MAP3K13: variants seen among roughly 807,000 people sequenced by gnomAD.
MAP3K13 encodes the protein leucine zipper-bearing kinase.
A neutral mutation model predicts 104.0 loss-of-function variants in MAP3K13; 52 were observed. That is an observed-to-expected ratio of 0.50 (90% confidence interval 0.40 to 0.63). The LOEUF is 0.63. Ranked by LOEUF, MAP3K13 falls within the 20% of genes least tolerant of loss-of-function variation. The pLI, the probability that MAP3K13 is intolerant of heterozygous loss-of-function variation, is 0.00. For synonymous variants in MAP3K13, 394 were observed against 442.2 expected (o/e 0.89, Z 1.37); for missense variants, 914 against 1,218.5 (o/e 0.75, Z 3.72).
chr3:185,424,363 C>T (rs548202388), intron 1 of MAP3K13, among the ~76,000 whole-genome samples: 1 of 152,208 alleles, frequency 6.6e-6, no homozygotes, highest in East Asian at 1.9e-4. Context: ...AATGTTCCAT[C>T]GTGTTGTAAA....
intron 2 of MAP3K13, among the ~76,000 whole-genome samples, chr3:185,322,618 G>C (rs1721906137): frequency 6.6e-6 from 1 of 152,112 alleles, no homozygotes; most frequent in Admixed American, 6.5e-5. Context: ...CTCTCATACT[G>C]TGTATCCAGA....
intron 8 of MAP3K13, 47 bp downstream of exon 8, chr3:185,463,706 A>G (rs760580856): frequency 3.6e-5 from 38 of 1,063,276 alleles, no homozygotes; most frequent in Non-Finnish European, 4.4e-6. Flanking sequence ...CCAGGTCTTC[A>G]GATGTTAACA....
intron 2 of MAP3K13, among the ~76,000 whole-genome samples, chr3:185,333,272 T>C (rs2108709954): frequency 6.6e-6 from 1 of 152,182 alleles, no homozygotes; most frequent in East Asian, 1.9e-4. Context: ...TTGGACAAGT[T>C]ACTGAACCTT....
chr3:185,461,701 T>C (rs967279332), intron 7 of MAP3K13, among the ~76,000 whole-genome samples: 1 of 152,126 alleles, frequency 6.6e-6, no homozygotes, highest in Non-Finnish European at 1.5e-5. Context: ...TAGCTGGCAT[T>C]GCAGGGGCAG....
intron 2 of MAP3K13, among the ~76,000 whole-genome samples, chr3:185,291,413 ACATATTCAGC>A (rs1396957472): frequency 6.6e-6 from 1 of 152,198 alleles, no homozygotes; most frequent in Non-Finnish European, 1.5e-5. Flanking sequence ...AAGCCAATGA[ACATATTCAGC>A]CATTTTGTCT....
chr3:185,462,218 C>G (rs1054359794), intron 7 of MAP3K13, among the ~76,000 whole-genome samples: 5 of 152,128 alleles, frequency 3.3e-5, no homozygotes, highest in African/African-American at 9.7e-5. Flanking sequence ...CTCTCTGTGG[C>G]CTATTGCCTG....
intron 1 of MAP3K13, among the ~76,000 whole-genome samples, chr3:185,283,286 G>A (rs1461563682): frequency 6.6e-6 from 1 of 152,102 alleles, no homozygotes; most frequent in African/African-American, 2.4e-5. Context: ...ACATGGCTGG[G>A]GGTCATGGGT....
chr3:185,416,196 A>C (rs1020294599), intron 1 of MAP3K13, among the ~76,000 whole-genome samples: 1 of 151,948 alleles, frequency 6.6e-6, no homozygotes, highest in Non-Finnish European at 1.5e-5. Context: ...ATATATATCA[A>C]CCCGTTCCCC....
intron 7 of MAP3K13, among the ~76,000 whole-genome samples, chr3:185,454,584 T>TAATATATA (rs1205001275): frequency 9.0e-6 from 1 of 111,052 alleles, no homozygotes; most frequent in Non-Finnish European, 1.7e-5. Flanking sequence ...GATATATATA[T>TAATATATA]GATATATAGA....
chr3:185,304,903 A>T (rs1721238541), intron 2 of MAP3K13, among the ~76,000 whole-genome samples: 1 of 147,856 alleles, frequency 6.8e-6, no homozygotes, highest in Non-Finnish European at 1.5e-5. Context: ...AAGTGCTGGG[A>T]TTACAGGCGT....
intron 1 of MAP3K13, among the ~76,000 whole-genome samples, chr3:185,365,224 A>C (rs1162711802): frequency 6.6e-6 from 1 of 152,214 alleles, no homozygotes; most frequent in Admixed American, 6.5e-5. Flanking sequence ...ATCTTCATGT[A>C]TAGTGTACTT....
In MAP3K13 at chr3:185,488,750, T is replaced by A. The variant is rs901648785; in HGVS notation, c.*6294T>A. 5 of 152,286 alleles carry A rather than the reference T, an allele frequency of 3.3e-5. No individual in the cohort carries two copies. Among genetic ancestry groups the A allele is most frequent in the Non-Finnish European group, 7.3e-5 (5 of 68,106 alleles). 9.4% of individuals were successfully genotyped at this position (152,286 alleles called of 1,614,324 possible). On this transcript the variant is annotated 3_prime_UTR_variant, in exon 14 of 14. Coordinates refer to ENST00000265026, the MANE Select transcript of MAP3K13 (RefSeq NM_004721.5). ...CAGGCCAAGGGAACCCCAGCCAGCATGTGCAAGCTATTAGGAAGATGTCCC... is the reference window on the plus strand; with the variant it reads ...CAGGCCAAGGGAACCCCAGCCAGCAAGTGCAAGCTATTAGGAAGATGTCCC...
In MAP3K13 at chr3:185,292,747, A is replaced by C. The variant is rs183492013; in HGVS notation, c.-86+7104A>C. 1.8e-5 allele frequency: 18 copies of C among 985,384 alleles called. No individual in the cohort carries two copies. In the Admixed American group the frequency reaches 1.0e-3, roughly 57 times the overall value. The allele number at this position is 985,384 out of a possible 1,614,324, so 61.0% of individuals were successfully genotyped here. A position where few individuals can be genotyped will look rare whatever the true frequency, so the allele number is the denominator to read the frequency against. ...GATACATGGCAACAAGGCTATGTTA[A>C]ATTTTTTTTCTCTGAGTTGAGTCCC... On this transcript the variant is annotated intron_variant, in intron 2 of 14. Transcript: ENST00000424227.
At position 185,451,400 on chromosome 3, in the gene MAP3K13, G is replaced by C; in HGVS notation, c.1278+5G>C. 6.2e-7 allele frequency: 1 copy of C among 1,603,120 alleles called. No individual in the cohort carries two copies. Among genetic ancestry groups the C allele is most frequent in the Non-Finnish European group, 8.5e-7 (1 of 1,170,034 alleles). On this transcript the variant is annotated splice_donor_5th_base_variant and intron_variant, in intron 7 of 13. Transcript: ENST00000265026. ...GAAACTTACTTCAAGTCTCAGGTAA[G>C]TTGGGAAACTTCCTACCAGGTGCTA...
chr3:185,415,527 A>T (rs960686195), intron 1 of MAP3K13, among the ~76,000 whole-genome samples: 1 of 151,558 alleles, frequency 6.6e-6, no homozygotes, highest in Non-Finnish European at 1.5e-5. Context: ...GAATCAATGA[A>T]ATCATCTCCT....
chr3:185,308,009 CTTT>C (rs33949195), intron 2 of MAP3K13, among the ~76,000 whole-genome samples: 1 of 31,566 alleles, frequency 3.2e-5, no homozygotes, highest in Admixed American at 4.0e-4. Context: ...TCTTTGGGGT[CTTT>C]TTTTTTTTTT....
rs114039972 is a variant in MAP3K13 at position 185,331,285 on chromosome 3, G to A, written c.-86+45642G>A. Among the ~76,000 whole-genome samples the A allele has an allele frequency of 5.2e-3, 787 of 151,920 alleles. 12 individuals are homozygous for A. The highest frequency in any genetic ancestry group is 0.018 in the African/African-American group (761 of 41,440). On this transcript the variant is annotated intron_variant, in intron 2 of 14. Coordinates refer to the MAP3K13 transcript ENST00000424227. Reference sequence around the variant, plus strand: ...ATTTTGTATTTTTAGTAAGGAGATGGGGTTTCTCCATGTTGGTCAGGCTGG... The same window carrying A: ...ATTTTGTATTTTTAGTAAGGAGATGAGGTTTCTCCATGTTGGTCAGGCTGG...
At chr3:185,385,890 G>A (rs115916888) in intron 1 of MAP3K13, among the ~76,000 whole-genome samples, 3,153 of 152,000 alleles carry the variant, frequency 0.021, 109 homozygotes, top group African/African-American at 0.072. Context: ...ATAGTCCAAC[G>A]TACTCAGGAG....
chr3:185,447,297 C>T (rs948280014), intron 4 of MAP3K13, among the ~76,000 whole-genome samples: 2 of 151,558 alleles, frequency 1.3e-5, no homozygotes, highest in African/African-American at 4.9e-5. Context: ...TCGAGACCAG[C>T]CTGGCCAACA....
Sources: allele counts gnomAD v4.1 joint callset (sites outside exome capture counted in the v4.1 genomes callset), GRCh38; gene constraint gnomAD v4.1.1; transcripts MANE v1.5; gene names NCBI Gene and HGNC (gene_info 2026-07-23, HGNC 2026-07-21).